The following DGKB variants were observed in gnomAD, a reference collection of about 807,000 sequenced individuals.
DGKB encodes the protein diacylglycerol kinase beta, also known as 90 kDa diacylglycerol kinase.
In DGKB, 67 loss-of-function variants were observed where a neutral mutation model predicts 114.3. That is an observed-to-expected ratio of 0.59 (90% CI 0.48 to 0.72). The LOEUF (loss-of-function observed/expected upper bound fraction) is 0.72, where lower values mean the gene tolerates loss of function less well. Among genes scored for constraint, DGKB ranks in the 30% least tolerant of loss-of-function variants. The probability of loss-of-function intolerance (pLI) is 0.00; values close to 1 mark genes in which losing one functional copy is unlikely to be tolerated. For missense variants in DGKB, 907 were observed against 975.2 expected (o/e 0.93, Z 0.93); for synonymous variants, 398 against 323.1 (o/e 1.23, Z -2.49).
intron 2 of DGKB, among the ~76,000 whole-genome samples, chr7:14,831,220 T>G (rs1846369211): frequency 6.6e-6 from 1 of 151,880 alleles, no homozygotes; most frequent in African/African-American, 2.4e-5. Flanking sequence ...GAGGATATAT[T>G]TACATGGACC....
At chr7:14,471,746 A>G (rs1781438201) in intron 21 of DGKB, among the ~76,000 whole-genome samples, 1 of 152,094 alleles carries the variant, frequency 6.6e-6, no homozygotes. Flanking sequence ...TTTTTGCACT[A>G]TAAAAGCATA....
At chr7:14,700,539 T>A (rs12669997) in intron 7 of DGKB, among the ~76,000 whole-genome samples, 1 of 151,924 alleles carries the variant, frequency 6.6e-6, no homozygotes, top group East Asian at 1.9e-4. Context: ...TTACTGAGAC[T>A]TACAGATAAT....
chr7:14,668,404 T>A (rs995704783), intron 13 of DGKB, among the ~76,000 whole-genome samples: 9 of 152,196 alleles, frequency 5.9e-5, no homozygotes, highest in African/African-American at 2.2e-4. Flanking sequence ...CTATTGGGAT[T>A]TGGAGAAAAT....
At chr7:14,175,820 G>A (rs1008625222) in intron 25 of DGKB, among the ~76,000 whole-genome samples, 1 of 151,436 alleles carries the variant, frequency 6.6e-6, no homozygotes, top group Admixed American at 6.6e-5. Flanking sequence ...CTTTTTTTTG[G>A]GGGGGATGGA....
At chr7:14,709,026 G>A (rs1826832521) in intron 6 of DGKB, among the ~76,000 whole-genome samples, 2 of 144,916 alleles carry the variant, frequency 1.4e-5, no homozygotes, top group Non-Finnish European at 3.0e-5. Context: ...GAGTGAACAG[G>A]CAACCTACAA....
chr7:14,653,636 T>C (rs2204408), intron 13 of DGKB, among the ~76,000 whole-genome samples: 36,076 of 151,532 alleles, frequency 0.24, 6,750 homozygotes, highest in African/African-American at 0.5. Context: ...GCACATGTAC[T>C]CTAAAACTTA....
At position 14,649,595 on chromosome 7, in the gene DGKB, C is replaced by G. The variant is rs955520091; in HGVS notation, c.1135-19327G>C. Among the ~76,000 whole-genome samples, 12 of 151,844 alleles carry G rather than the reference C, an allele frequency of 7.9e-5. 1 individual carries two copies. The highest frequency in any genetic ancestry group is 7.8e-4 in the East Asian group (4 of 5,150). On this transcript the variant is annotated intron_variant, in intron 13 of 25. Transcript: ENST00000402815. ...GGAAGAAACTGCATCAACTAACGAG[C>G]AAAATCACCAGCTAACATCATAATG...
intron 23 of DGKB, among the ~76,000 whole-genome samples, chr7:14,186,707 C>A (rs1339152325): frequency 6.6e-6 from 1 of 152,110 alleles, no homozygotes; most frequent in African/African-American, 2.4e-5. Flanking sequence ...AATGAATTAA[C>A]AGCATTTGCA....
At chr7:14,711,570 A>G (rs1396032022) in intron 6 of DGKB, among the ~76,000 whole-genome samples, 1 of 152,152 alleles carries the variant, frequency 6.6e-6, no homozygotes, top group East Asian at 1.9e-4. Context: ...ATGAGAGGAG[A>G]AAACACTAAC....
chr7:14,644,989 G>C (rs1812635815), intron 13 of DGKB, among the ~76,000 whole-genome samples: 1 of 152,132 alleles, frequency 6.6e-6, no homozygotes. Flanking sequence ...TGAAAACCAA[G>C]CTGCCAGTTC....
At chr7:14,948,920 A>C (rs1209496469) in intron 1 of DGKB, among the ~76,000 whole-genome samples, 3 of 151,796 alleles carry the variant, frequency 2.0e-5, no homozygotes, top group Admixed American at 2.0e-4. Flanking sequence ...AAAGATTTGC[A>C]TTTAAAAAAT....
At position 14,851,248 on chromosome 7, in the gene DGKB, T is replaced by C. The variant is rs186258046; in HGVS notation, c.-187-9798A>G. ...GACACAAAAAATCTAAAAGAAAAAA[T>C]TCAAGGGAAATCTTTGGTGATGCAA... On this transcript the variant is annotated intron_variant, in intron 1 of 25. Coordinates refer to ENST00000402815, the MANE Select transcript of DGKB (RefSeq NM_001350709.2). Among the ~76,000 whole-genome samples, 192 of 152,166 alleles carry C rather than the reference T, an allele frequency of 1.3e-3. 1 individual carries two copies. Among genetic ancestry groups the C allele is most frequent in the Admixed American group, 5.1e-3 (78 of 15,270 alleles).
chr7:14,184,827 C>CT (rs984905140), intron 23 of DGKB, among the ~76,000 whole-genome samples: 1 of 152,172 alleles, frequency 6.6e-6, no homozygotes, highest in Non-Finnish European at 1.5e-5. Flanking sequence ...TCCAGCGTCT[C>CT]TTTATGATTA....
intron 17 of DGKB, among the ~76,000 whole-genome samples, chr7:14,583,367 T>C (rs957812506): frequency 6.6e-6 from 1 of 152,094 alleles, no homozygotes; most frequent in African/African-American, 2.4e-5. Flanking sequence ...ATAATGAATA[T>C]ACTCTTTTTC....
At chr7:14,657,496 T>C (rs769709034) in intron 13 of DGKB, among the ~76,000 whole-genome samples, 1 of 151,934 alleles carries the variant, frequency 6.6e-6, no homozygotes, top group African/African-American at 2.4e-5. Context: ...GCTTTATCCC[T>C]GCTCTTTCAA....
chr7:14,709,196 C>A lies in DGKB; in HGVS notation c.467-7466G>T, dbSNP rs548628318. Among the ~76,000 whole-genome samples the A allele has an allele frequency of 2.1e-3, 318 of 152,262 alleles. 2 individuals are homozygous for A. Among genetic ancestry groups the A allele is most frequent in the African/African-American group, 7.3e-3 (304 of 41,550 alleles). ...TTCTCAAAAGAAGACATTTATGCAG[C>A]CAACAGGCACATGAAAAAATGCTCA... On this transcript the variant is annotated intron_variant, in intron 6 of 25. Transcript: ENST00000402815.
At chr7:14,799,470 G>A (rs1396423374) in intron 2 of DGKB, among the ~76,000 whole-genome samples, 2 of 152,156 alleles carry the variant, frequency 1.3e-5, no homozygotes, top group East Asian at 1.9e-4. Context: ...TAAAACACTT[G>A]TATTTCAGAG....
chr7:14,209,551 T>C (rs868051065), intron 23 of DGKB: 5 of 497,246 alleles, frequency 1.0e-5, no homozygotes, highest in African/African-American at 7.8e-5. Context: ...GCTCCACTCC[T>C]ATTAATTTAA....
intron 20 of DGKB, among the ~76,000 whole-genome samples, chr7:14,559,518 T>A (rs1402461331): frequency 2.0e-5 from 3 of 152,162 alleles, no homozygotes; most frequent in Non-Finnish European, 4.4e-5. Flanking sequence ...GTAAAAGCAA[T>A]AATCTTATGC....
Sources: allele counts gnomAD v4.1 joint callset (sites outside exome capture counted in the v4.1 genomes callset), GRCh38; gene constraint gnomAD v4.1.1; transcripts MANE v1.5; gene names NCBI Gene and HGNC (gene_info 2026-07-23, HGNC 2026-07-21).